Variants in GABRR3 observed in about 807,000 individuals in gnomAD.
The protein encoded by GABRR3 is gamma-aminobutyric acid receptor subunit rho-3.
In GABRR3, 29 loss-of-function variants were observed where a neutral mutation model predicts 43.2. The observed-to-expected ratio is 0.67, with a 90% CI of 0.50 to 0.92. GABRR3 has a LOEUF of 0.92. GABRR3 is among the 40% of genes least tolerant of loss of function. GABRR3 has a pLI of 0.00. For synonymous variants in GABRR3, 206 were observed against 195.9 expected (o/e 1.05, Z -0.43); for missense variants, 576 against 572.3 (o/e 1.01, Z -0.07).
chr3:98,012,360 C>G lies in GABRR3; in HGVS notation c.514G>C (p.Val172Leu). ...TTTCCTTACCTGAGACTTAGGAGGA[C>G]GTTTCCATCAGGGTGTACGCGCAGC... Residue 172 changes from valine to leucine, a missense_variant, in exon 5 of 10, where the codon GTC becomes CTC. By Grantham distance (32) the Val-to-Leu change is conservative (BLOSUM62 1). Transcript: ENST00000621172. The G allele has an allele frequency of 6.2e-7, 1 of 1,613,638 alleles. No homozygotes were observed. The highest frequency in any genetic ancestry group is 8.5e-7 in the Non-Finnish European group (1 of 1,179,724).
chr3:98,034,361 T>A (rs1285778981), intron 2 of GABRR3, among the ~76,000 whole-genome samples: 1 of 152,158 alleles, frequency 6.6e-6, no homozygotes, highest in Non-Finnish European at 1.5e-5. Context: ...TGATGATGTC[T>A]TGATATTCAT....
chr3:97,993,124 G>T, intron 8 of GABRR3, 76 bp from the exon 9 acceptor site: 2 of 1,194,456 alleles, frequency 1.7e-6, no homozygotes, highest in South Asian at 1.7e-5. Flanking sequence ...TCACACCAGG[G>T]GATGCATTTC....
intron 9 of GABRR3, among the ~76,000 whole-genome samples, chr3:97,992,029 T>A (rs191735480): frequency 2.0e-5 from 3 of 152,286 alleles, no homozygotes; most frequent in Admixed American, 2.0e-4. Flanking sequence ...CAGTTAAGTT[T>A]CTGAAGTACA....
Position 97,986,745 on chromosome 3 carries a change from T to C in GABRR3, c.1342A>G (p.Arg448Gly), listed in dbSNP as rs1706390188. Residue 448 changes from arginine (R) to glycine (G), a missense_variant, in exon 10 of 10, where the codon AGG becomes GGG. Coordinates refer to ENST00000621172, the Ensembl canonical transcript of GABRR3. ...ATATACACAATGGGGAATAAAATCC[T>C]AGAATAGGTGTCAATGACATGGTTG... is the stretch of plus-strand genomic sequence containing the variant. 6.3e-7 allele frequency: 1 copy of C among 1,593,930 alleles called. No individual in the cohort carries two copies. Among genetic ancestry groups the C allele is most frequent in the Non-Finnish European group, 8.6e-7 (1 of 1,167,844 alleles).
At position 98,014,729 on chromosome 3, in the gene GABRR3, C is replaced by T. The variant is rs551990711; in HGVS notation, c.307-2162G>A. Among the ~76,000 whole-genome samples, 8 of 152,186 alleles carry T rather than the reference C, an allele frequency of 5.3e-5. No individual in the cohort carries two copies. In the South Asian group the frequency reaches 1.7e-3, roughly 32 times the overall value. The stretch of plus-strand genomic sequence containing the variant: ...TTCTAGAATTTTTATGTGTTCTGAA[C>T]TTTTAGTGATTTGGAGGAATCACTA... On this transcript the variant is annotated intron_variant, in intron 4 of 9. Transcript: ENST00000621172.
chr3:98,028,185 C>T (rs145038305), intron 2 of GABRR3, among the ~76,000 whole-genome samples: 39 of 152,114 alleles, frequency 2.6e-4, no homozygotes, highest in African/African-American at 8.0e-4. Flanking sequence ...TTCTATGTAT[C>T]GGCAAATGGG....
rs909661343 is a variant in GABRR3, at chr3:98,022,316, T to G, written c.238+3251A>C. ...AAATTTATATCCTCCTGTTTCCACA[T>G]AATGAGTCAATTAATCTTCTAATGC... is the stretch of plus-strand genomic sequence containing the variant. On this transcript the variant is annotated intron_variant, in intron 3 of 9. Coordinates refer to ENST00000621172, the Ensembl canonical transcript of GABRR3. Among the ~76,000 whole-genome samples, 4 of 152,240 alleles carry G rather than the reference T, an allele frequency of 2.6e-5. No homozygotes were observed. The East Asian group carries it at 7.7e-4, about 29-fold the overall frequency.
At chr3:97,988,696 G>A (rs886918593) in intron 9 of GABRR3, among the ~76,000 whole-genome samples, 6 of 151,264 alleles carry the variant, frequency 4.0e-5, no homozygotes, top group Non-Finnish European at 8.9e-5. Flanking sequence ...GAGTGGTGGT[G>A]ATATGTGGTG....
At chr3:98,031,074 C>T (rs1707081412) in intron 2 of GABRR3, among the ~76,000 whole-genome samples, 1 of 152,128 alleles carries the variant, frequency 6.6e-6, no homozygotes, top group South Asian at 2.1e-4. Flanking sequence ...TCTTATGGCT[C>T]TGATTGAACT....
intron 4 of GABRR3, among the ~76,000 whole-genome samples, chr3:98,014,139 T>G (rs1473046340): frequency 6.6e-6 from 1 of 152,170 alleles, no homozygotes; most frequent in East Asian, 1.9e-4. Flanking sequence ...ATTTTCAAAC[T>G]GGGCATGTGA....
chr3:98,034,407 C>T (rs1707126398), intron 2 of GABRR3, among the ~76,000 whole-genome samples: 1 of 152,070 alleles, frequency 6.6e-6, no homozygotes, highest in Non-Finnish European at 1.5e-5. Flanking sequence ...TCTTGAAAGA[C>T]AAATGGCTTT....
chr3:98,004,331 T>C (rs1161917105), intron 7 of GABRR3, among the ~76,000 whole-genome samples: 1 of 152,072 alleles, frequency 6.6e-6, no homozygotes, highest in Non-Finnish European at 1.5e-5. Context: ...CCCTATGATA[T>C]AGAGAGTATT....
intron 4 of GABRR3, among the ~76,000 whole-genome samples, chr3:98,014,027 T>A (rs1004201141): frequency 1.2e-4 from 18 of 152,008 alleles, no homozygotes; most frequent in Non-Finnish European, 2.5e-4. Flanking sequence ...TTAGGGCGGA[T>A]GAGAGAGTAG....
At chr3:97,986,847 T>C in exon 10 of GABRR3, 1 of 1,612,662 alleles carries the variant, frequency 6.2e-7, no homozygotes, top group Non-Finnish European at 8.5e-7. Flanking sequence ...GTGCTGGGGC[T>C]GCATATCGAT....
chr3:98,021,408 T>C (rs1265484718), intron 3 of GABRR3, among the ~76,000 whole-genome samples: 3 of 152,202 alleles, frequency 2.0e-5, no homozygotes, highest in Non-Finnish European at 2.9e-5. Context: ...ATGGAATTTG[T>C]AGCCATATAA....
chr3:98,003,576 C>T (rs984086237), intron 7 of GABRR3, among the ~76,000 whole-genome samples: 1 of 151,892 alleles, frequency 6.6e-6, no homozygotes, highest in Non-Finnish European at 1.5e-5. Flanking sequence ...TGCCTTGGAA[C>T]GTTGTGAAGC....
At chr3:98,034,217 T>C (rs1248437892) in intron 2 of GABRR3, among the ~76,000 whole-genome samples, 1 of 152,122 alleles carries the variant, frequency 6.6e-6, no homozygotes, top group Non-Finnish European at 1.5e-5. Flanking sequence ...GCTGAAGGGA[T>C]TCCTGGCATT....
At chr3:98,002,547 A>G (rs1706663854) in intron 7 of GABRR3, among the ~76,000 whole-genome samples, 1 of 152,138 alleles carries the variant, frequency 6.6e-6, no homozygotes, top group African/African-American at 2.4e-5. Flanking sequence ...ACATACACAT[A>G]CCAGGATATA....
At chr3:98,019,818 C>T (rs552105210) in intron 3 of GABRR3, among the ~76,000 whole-genome samples, 6 of 152,226 alleles carry the variant, frequency 3.9e-5, no homozygotes, top group Non-Finnish European at 8.8e-5. Context: ...CCCGCCTAGG[C>T]CTCCTAAAGT....
Sources: allele counts gnomAD v4.1 joint callset (sites outside exome capture counted in the v4.1 genomes callset), GRCh38; gene constraint gnomAD v4.1.1; transcripts MANE v1.5; gene names NCBI Gene and HGNC (gene_info 2026-07-23, HGNC 2026-07-21).